The following TSGA10 variants were observed in gnomAD, a reference collection of about 807,000 sequenced individuals.
TSGA10 encodes testis-specific gene 10 protein.
Under a neutral mutation model 96.6 loss-of-function variants are expected in TSGA10, and 43 were observed. The observed-to-expected ratio is 0.44, with a 90% CI of 0.35 to 0.57. TSGA10 has a LOEUF of 0.57. TSGA10 is among the 20% of genes least tolerant of loss of function. TSGA10 has a pLI of 0.01. For synonymous variants in TSGA10, 229 were observed against 269.9 expected (o/e 0.85, Z 1.48); for missense variants, 703 against 834.4 (o/e 0.84, Z 1.94).
At chr2:99,103,081 TAAAAA>T (rs538726196) in intron 10 of TSGA10, among the ~76,000 whole-genome samples, 1 of 126,736 alleles carries the variant, frequency 7.9e-6, no homozygotes, top group Admixed American at 8.0e-5. Context: ...GTTTTATGAC[TAAAAA>T]AAAAAAAAAA....
intron 16 of TSGA10, among the ~76,000 whole-genome samples, chr2:99,050,889 AT>A (rs1375368942): frequency 1.3e-5 from 2 of 152,020 alleles, no homozygotes; most frequent in Non-Finnish European, 2.9e-5. Context: ...ATAATATCAT[AT>A]TTTTACTGTG....
At chr2:99,081,833 G>A (rs772684818) in intron 10 of TSGA10, among the ~76,000 whole-genome samples, 21 of 128,428 alleles carry the variant, frequency 1.6e-4, no homozygotes, top group Non-Finnish European at 3.0e-4. Context: ...TTAGTGAGAA[G>A]GTCAGACTAG....
chr2:99,065,002 A>C lies in TSGA10; in HGVS notation c.1341T>G (p.Thr447=), dbSNP rs113841575. 1,224 of 1,613,374 alleles carry C rather than the reference A, an allele frequency of 7.6e-4. 10 individuals are homozygous for C. The African/African-American group carries it at 0.014, about 19-fold the overall frequency. Reference sequence around the variant, plus strand: ...TTAATCTGTTACCCTCTGCCTCAGCAGTGATAAGTTCCAGTTTGAGGGTAT... The same window carrying C: ...TTAATCTGTTACCCTCTGCCTCAGCCGTGATAAGTTCCAGTTTGAGGGTAT... ...DNNTLKLELI[T]AEAEGNRLKE... The change falls in exon 16 of 21, where the codon ACT becomes ACG. Residue 447 remains threonine, a synonymous_variant. Transcript: ENST00000393483.
chr2:99,044,265 G>A (rs1441810063), intron 16 of TSGA10, among the ~76,000 whole-genome samples: 1 of 150,110 alleles, frequency 6.7e-6, no homozygotes, highest in Non-Finnish European at 1.5e-5. Flanking sequence ...CTGGTGTGCT[G>A]TATTCAGGAG....
intron 10 of TSGA10, among the ~76,000 whole-genome samples, chr2:99,086,124 G>T (rs904995015): frequency 6.7e-6 from 1 of 150,250 alleles, no homozygotes; most frequent in Admixed American, 6.6e-5. Flanking sequence ...ACCCATGACA[G>T]GGGTTTACCT....
chr2:99,013,825 G>C (rs1163470217), intron 20 of TSGA10, among the ~76,000 whole-genome samples: 1 of 151,778 alleles, frequency 6.6e-6, no homozygotes, highest in African/African-American at 2.4e-5. Context: ...AAATCAGCCT[G>C]GCCAACATGG....
At position 99,017,197 on chromosome 2, in the gene TSGA10, T is replaced by C. The variant is rs1376423720; in HGVS notation, c.2072+1003A>G. The stretch of plus-strand genomic sequence containing the variant: ...AAAAGTCATTATATGAAAAAGATAC[T>C]TGCACACGCATGTTTGTAGCAGCAT... On this transcript the variant is annotated intron_variant, in intron 20 of 20. Transcript: ENST00000393483. Among the ~76,000 whole-genome samples, 3 of 152,170 alleles carry C rather than the reference T, an allele frequency of 2.0e-5. No individual in the cohort carries two copies. The East Asian group carries it at 5.8e-4, about 29-fold the overall frequency.
In TSGA10 at chr2:99,154,910, CT is replaced by C. The variant is rs2093733582; in HGVS notation, c.-839del. On this transcript the variant is annotated 5_prime_UTR_variant, in exon 1 of 21. Coordinates refer to ENST00000393483, the MANE Select transcript of TSGA10 (RefSeq NM_025244.4). Reference sequence around the variant, plus strand: ...GACTAGGCGCGATCCCTGCGCGCCCCTCCTTCTCTTGCGCTTCAGGGGGCCG... The same window carrying C: ...GACTAGGCGCGATCCCTGCGCGCCCCCCTTCTCTTGCGCTTCAGGGGGCCG... 4.6e-6 allele frequency: 2 copies of C among 433,110 alleles called. No homozygotes were observed. Among genetic ancestry groups the C allele is most frequent in the Admixed American group, 5.0e-5 (2 of 39,656 alleles). The allele number at this position is 433,110 out of a possible 1,614,324, so 26.8% of individuals were successfully genotyped here. A position where few individuals can be genotyped will look rare whatever the true frequency, so the allele number is the denominator to read the frequency against.
Position 99,105,630 on chromosome 2 carries a change from G to A in TSGA10, c.278C>T (p.Thr93Met), listed in dbSNP as rs1306400115. 9 of 1,607,474 alleles carry A rather than the reference G, an allele frequency of 5.6e-6. No individual in the cohort carries two copies. The highest frequency in any genetic ancestry group is 6.0e-6 in the Non-Finnish European group (7 of 1,174,386). The change falls in exon 8 of 21, where the codon ACG becomes ATG. Residue 93 changes from threonine to methionine, a missense_variant. Physicochemically the swap from Thr to Met is moderately conservative, Grantham distance 81. Around this residue, in one of 3 missense-constraint regions of TSGA10, gnomAD observed 585 missense variants for 656.8 expected, o/e 0.89. Coordinates refer to ENST00000393483, the MANE Select transcript of TSGA10 (RefSeq NM_025244.4). ...CACTCGCCGGAGAATAGCATGTGCC[G>A]TTGTTGATTTAGGACTCTTACAGCT... ...MKSCKSPKSTTAHAILRRVET... is the reference protein window; with the variant it reads ...MKSCKSPKSTMAHAILRRVET...
intron 10 of TSGA10, among the ~76,000 whole-genome samples, chr2:99,083,433 C>A (rs969820324): frequency 1.3e-5 from 2 of 151,948 alleles, no homozygotes; most frequent in African/African-American, 4.8e-5. Flanking sequence ...AAAACAAAAA[C>A]AGAGACATGA....
intron 2 of TSGA10, chr2:99,125,349 T>G (rs1174803980): frequency 6.6e-6 from 1 of 152,238 alleles, no homozygotes; most frequent in Admixed American, 6.5e-5. Context: ...AGGCTGATTT[T>G]TGTGTGGACC....
chr2:99,077,866 C>G (rs1030712282), intron 12 of TSGA10, among the ~76,000 whole-genome samples: 1 of 151,932 alleles, frequency 6.6e-6, no homozygotes, highest in African/African-American at 2.4e-5. Flanking sequence ...CCGGCCTGCA[C>G]GCGGCCGGCA....
chr2:98,998,529 T>C (rs1426236816), intron 20 of TSGA10, among the ~76,000 whole-genome samples: 1 of 152,088 alleles, frequency 6.6e-6, no homozygotes, highest in African/African-American at 2.4e-5. Context: ...AACGACAGAA[T>C]TATAGAGATG....
chr2:99,116,002 T>A (rs2092235080), intron 4 of TSGA10, among the ~76,000 whole-genome samples: 1 of 152,248 alleles, frequency 6.6e-6, no homozygotes, highest in Admixed American at 6.5e-5. Flanking sequence ...TGGACTCATA[T>A]TTCAAATTAC....
intron 14 of TSGA10, among the ~76,000 whole-genome samples, chr2:99,069,372 C>G (rs1214307822): frequency 2.6e-5 from 4 of 152,034 alleles, no homozygotes; most frequent in Non-Finnish European, 5.9e-5. Context: ...GAAAGCAAAT[C>G]TGTGATCAGG....
intron 20 of TSGA10, among the ~76,000 whole-genome samples, chr2:99,017,332 G>A (rs1174258436): frequency 6.6e-6 from 1 of 152,188 alleles, no homozygotes; most frequent in Non-Finnish European, 1.5e-5. Context: ...CCATAAAAAG[G>A]AACGAAATAA....
rs1202675320 is a variant in TSGA10 at position 99,035,273 on chromosome 2, A to G, written c.1571T>C (p.Leu524Pro). The change falls in exon 17 of 21, where the codon CTT becomes CCT. Residue 524 changes from leucine (L) to proline (P), a missense_variant. This residue lies in a region of TSGA10 where 585 missense variants were observed against 656.8 expected (regional missense o/e 0.89). Transcript: ENST00000393483. ...TTTAGCAACCAGCTGTCGATTAAGAAGTTCTTTGCTTGAGTCAAGTTTAAT... is the reference window on the plus strand; with the variant it reads ...TTTAGCAACCAGCTGTCGATTAAGAGGTTCTTTGCTTGAGTCAAGTTTAAT... ...LCIKLDSSKE[L>P]LNRQLVAKDQ... is the part of the protein sequence containing the mutation. The G allele has an allele frequency of 6.2e-7, 1 of 1,611,846 alleles. No homozygotes were observed. The highest frequency in any genetic ancestry group is 8.5e-7 in the Non-Finnish European group (1 of 1,178,830).
chr2:99,011,101 C>G (rs1039769705), intron 20 of TSGA10, among the ~76,000 whole-genome samples: 1 of 152,182 alleles, frequency 6.6e-6, no homozygotes, highest in African/African-American at 2.4e-5. Context: ...CCACCTAACC[C>G]TGCCCCGACC....
rs2085593319 is a variant in TSGA10, at chr2:99,068,941, C to A, written c.1165G>T (p.Val389Phe). 5.4e-6 allele frequency: 8 copies of A among 1,473,244 alleles called. No individual in the cohort carries two copies. Among genetic ancestry groups the A allele is most frequent in the Non-Finnish European group, 7.2e-6 (8 of 1,117,058 alleles). 91.3% of individuals were successfully genotyped at this position (1,473,244 alleles called of 1,614,324 possible). A position where few individuals can be genotyped will look rare whatever the true frequency, so the allele number is the denominator to read the frequency against. ...HNELNDIKQK[V>F]QDTNLEVNKL... The stretch of plus-strand genomic sequence containing the variant: ...TTAACCTCCAAATTAGTATCTTGAA[C>A]CTTCTGTTTTATGTCATTAAGTTCA... Residue 389 changes from valine (V) to phenylalanine (F), a missense_variant, in exon 15 of 21, where the codon GTT (valine) becomes TTT (phenylalanine). By Grantham distance (50) the Val-to-Phe change is conservative (BLOSUM62 -1). Coordinates refer to ENST00000393483, the MANE Select transcript of TSGA10 (RefSeq NM_025244.4).
Sources: gnomAD v4.1 joint callset for allele counts (sites outside exome capture counted in the v4.1 genomes callset) on GRCh38, gnomAD v4.1.1 for gene constraint, gnomAD v4.1.1 regional missense constraint, MANE v1.5 for transcripts, NCBI Gene and HGNC (gene_info 2026-07-23, HGNC 2026-07-21) for gene names.